The following ANOS1 variants were observed in gnomAD, a reference collection of about 807,000 sequenced individuals.
The protein encoded by ANOS1 is anosmin 1.
In ANOS1, 6 loss-of-function variants were observed where a neutral mutation model predicts 59.0. The ratio of observed to expected loss-of-function variants is 0.10; its 90% CI spans 0.06 to 0.20. ANOS1 has a LOEUF of 0.20. Among genes scored for constraint, ANOS1 ranks in the 10% least tolerant of loss-of-function variants. The pLI, the probability that ANOS1 is intolerant of heterozygous loss-of-function variation, is 1.00. For synonymous variants in ANOS1, 217 were observed against 223.4 expected (o/e 0.97, Z 0.25); for missense variants, 433 against 542.3 (o/e 0.80, Z 2.00).
At chrX:8,611,385 G>C (rs1216257456) in intron 3 of ANOS1, among the ~76,000 whole-genome samples, 1 of 109,415 alleles carries the variant, frequency 9.1e-6, no homozygotes, top group African/African-American at 3.3e-5. Flanking sequence ...TGTGTAATTA[G>C]AGTCTCAGAA....
intron 1 of ANOS1, among the ~76,000 whole-genome samples, chrX:8,719,344 C>T (rs1339013260): frequency 9.0e-6 from 1 of 111,640 alleles, no homozygotes; most frequent in Non-Finnish European, 1.9e-5. Flanking sequence ...GCAATAATGC[C>T]CTATTAGAGA....
intron 2 of ANOS1, among the ~76,000 whole-genome samples, chrX:8,689,783 AAAAAG>A (rs1932578459): frequency 9.1e-6 from 1 of 110,028 alleles, no homozygotes; most frequent in Non-Finnish European, 1.9e-5. Context: ...AACAAAAAAA[AAAAAG>A]AGAGAGAGAG....
chrX:8,551,195 A>G (rs764410676), intron 9 of ANOS1, among the ~76,000 whole-genome samples: 1 of 112,131 alleles, frequency 8.9e-6, no homozygotes, highest in African/African-American at 3.2e-5. Flanking sequence ...AGCAGTATGA[A>G]AGTGGACTAA....
intron 2 of ANOS1, among the ~76,000 whole-genome samples, chrX:8,651,055 C>T (rs867413553): frequency 2.7e-5 from 3 of 112,948 alleles, no homozygotes; most frequent in Non-Finnish European, 5.6e-5. Flanking sequence ...TGTCTCCGGA[C>T]GGGAGCGATG....
chrX:8,597,693 TAA>T (rs2059707477), intron 3 of ANOS1, among the ~76,000 whole-genome samples: 2 of 75,251 alleles, frequency 2.7e-5, no homozygotes, highest in African/African-American at 9.8e-5. Context: ...TTTTTACAGT[TAA>T]GGTCTCACTT....
chrX:8,663,067 T>C (rs928864206), intron 2 of ANOS1, among the ~76,000 whole-genome samples: 2 of 111,267 alleles, frequency 1.8e-5, no homozygotes, highest in African/African-American at 6.5e-5. Flanking sequence ...TGTGGAGACA[T>C]AGGAAGAACA....
intron 8 of ANOS1, chrX:8,565,905 G>A: frequency 1.8e-6 from 1 of 555,731 alleles, no homozygotes; most frequent in African/African-American, 2.5e-5. Flanking sequence ...AGAGTGGTCA[G>A]GGTGGGAGGG....
At chrX:8,680,410 A>C (rs2146886043) in intron 2 of ANOS1, among the ~76,000 whole-genome samples, 1 of 111,135 alleles carries the variant, frequency 9.0e-6, no homozygotes, top group Admixed American at 9.6e-5. Context: ...AAGAAGTAAT[A>C]GTCATAAAAC....
At chrX:8,661,489 TAA>T (rs1372892870) in intron 2 of ANOS1, among the ~76,000 whole-genome samples, 1 of 111,765 alleles carries the variant, frequency 8.9e-6, no homozygotes, top group Non-Finnish European at 1.9e-5. Context: ...ATTACCCCTT[TAA>T]AGACCCTAAC....
intron 2 of ANOS1, among the ~76,000 whole-genome samples, chrX:8,687,307 G>A (rs1932537100): frequency 9.1e-6 from 1 of 110,334 alleles, no homozygotes; most frequent in African/African-American, 3.3e-5. Context: ...TCTACTACTT[G>A]GAAAGTTCCA....
At chrX:8,599,056 G>A (rs901055028) in intron 3 of ANOS1, among the ~76,000 whole-genome samples, 2 of 111,689 alleles carry the variant, frequency 1.8e-5, no homozygotes, top group Non-Finnish European at 3.8e-5. Flanking sequence ...CCAGAATGCT[G>A]TCTGCCCATA....
intron 1 of ANOS1, among the ~76,000 whole-genome samples, chrX:8,713,471 G>A (rs766983101): frequency 9.0e-6 from 1 of 111,538 alleles, no homozygotes; most frequent in East Asian, 2.8e-4. Flanking sequence ...CAAAACTCCT[G>A]GGGCTGGAGA....
chrX:8,638,906 A>G (rs1221116810), intron 2 of ANOS1, among the ~76,000 whole-genome samples: 2 of 111,367 alleles, frequency 1.8e-5, no homozygotes, highest in Non-Finnish European at 3.8e-5. Flanking sequence ...TTAGAAGTAT[A>G]GCAGGCTTTA....
At chrX:8,603,317 T>C (rs1930880831) in intron 3 of ANOS1, among the ~76,000 whole-genome samples, 1 of 111,860 alleles carries the variant, frequency 8.9e-6, no homozygotes, top group South Asian at 3.7e-4. Flanking sequence ...CGAATAGATA[T>C]ATGTCATACT....
chrX:8,705,814 G>A (rs749655479), intron 1 of ANOS1, among the ~76,000 whole-genome samples: 3 of 112,566 alleles, frequency 2.7e-5, no homozygotes, highest in African/African-American at 9.7e-5. Context: ...CAAAGATAAA[G>A]AGTCAAAGTA....
At chrX:8,573,528 A>T (rs1314696226) in intron 6 of ANOS1, among the ~76,000 whole-genome samples, 2 of 111,835 alleles carry the variant, frequency 1.8e-5, no homozygotes, top group Non-Finnish European at 3.8e-5. Flanking sequence ...CAGGTGTCAC[A>T]GTTTTAAAAA....
chrX:8,619,724 C>T (rs1429607631), intron 3 of ANOS1, among the ~76,000 whole-genome samples: 4 of 111,960 alleles, frequency 3.6e-5, no homozygotes, highest in African/African-American at 6.5e-5. Context: ...AGAGAGATCA[C>T]GATATGAGAA....
chrX:8,651,919 A>G (rs1931856614), intron 2 of ANOS1, among the ~76,000 whole-genome samples: 1 of 111,246 alleles, frequency 9.0e-6, no homozygotes, highest in Admixed American at 9.5e-5. Flanking sequence ...ATGTGCATTT[A>G]TTTTTTATTT....
intron 8 of ANOS1, among the ~76,000 whole-genome samples, chrX:8,560,500 C>T (rs764270437): frequency 8.0e-5 from 9 of 112,119 alleles, no homozygotes; most frequent in South Asian, 3.7e-4. Flanking sequence ...CCCAAACAGC[C>T]GGACATGATA....
Sources: gnomAD v4.1 joint callset for allele counts (sites outside exome capture counted in the v4.1 genomes callset) on GRCh38, gnomAD v4.1.1 for gene constraint, MANE v1.5 for transcripts, NCBI Gene and HGNC (gene_info 2026-07-23, HGNC 2026-07-21) for gene names.